TENM3: variants seen among roughly 807,000 people sequenced by gnomAD.
TENM3 encodes the protein teneurin transmembrane protein 3, also known as teneurin-3.
TENM3 carries 63 observed loss-of-function variants against 255.1 expected under a neutral mutation model. The ratio of observed to expected loss-of-function variants is 0.25; its 90% CI spans 0.20 to 0.30. The LOEUF (loss-of-function observed/expected upper bound fraction) is 0.30. Ranked by LOEUF, TENM3 falls within the 10% of genes least tolerant of loss-of-function variation. The pLI, the probability that TENM3 is intolerant of heterozygous loss-of-function variation, is 1.00. For synonymous variants in TENM3, 1,306 were observed against 1,322.3 expected, an observed-to-expected ratio of 0.99 and a Z score of 0.27; for missense variants, 2,929 against 3,461.1, an observed-to-expected ratio of 0.85 and a Z score of 3.86.
At chr4:181,968,216 C>A in the TENM3 span, among the ~76,000 whole-genome samples, 1 of 152,098 alleles carries the variant, frequency 6.6e-6, no homozygotes, top group African/African-American at 2.4e-5. Flanking sequence ...TTCAGGAGAC[C>A]TCTCCTGAAC....
At chr4:182,420,961 T>C (rs1254832863) in intron 3 of TENM3, among the ~76,000 whole-genome samples, 3 of 152,116 alleles carry the variant, frequency 2.0e-5, no homozygotes, top group Non-Finnish European at 4.4e-5. Flanking sequence ...TAAGAATTGA[T>C]ATCAGTGCAA....
At chr4:181,764,349 C>A in the TENM3 span, among the ~76,000 whole-genome samples, 2 of 152,194 alleles carry the variant, frequency 1.3e-5, no homozygotes, top group East Asian at 3.9e-4. Flanking sequence ...CCTGCTTCCA[C>A]TCCACTGCAT....
chr4:181,888,085 A>G, the TENM3 span, among the ~76,000 whole-genome samples: 2 of 152,040 alleles, frequency 1.3e-5, no homozygotes, highest in East Asian at 3.9e-4. Context: ...GCTGGAGTGC[A>G]GTGGAATAAT....
At chr4:181,655,395 T>C in the TENM3 span, among the ~76,000 whole-genome samples, 1 of 152,196 alleles carries the variant, frequency 6.6e-6, no homozygotes, top group Non-Finnish European at 1.5e-5. Context: ...GTTTTGGTCA[T>C]GCTGCATTTG....
chr4:181,573,063 A>G, the TENM3 span, among the ~76,000 whole-genome samples: 1 of 152,198 alleles, frequency 6.6e-6, no homozygotes, highest in Non-Finnish European at 1.5e-5. Context: ...GTTGTTGCAG[A>G]TGACAGGTTT....
the TENM3 span, among the ~76,000 whole-genome samples, chr4:181,754,229 A>C: frequency 1.3e-5 from 2 of 151,230 alleles, no homozygotes; most frequent in African/African-American, 2.4e-5. Context: ...ATAACAAAGA[A>C]ACAACTTATC....
At chr4:182,260,162 A>G (rs1758687803) in intron 1 of TENM3, among the ~76,000 whole-genome samples, 1 of 152,200 alleles carries the variant, frequency 6.6e-6, no homozygotes, top group African/African-American at 2.4e-5. Flanking sequence ...GGGCGATTTC[A>G]TATCTTGGCT....
intron 3 of TENM3, among the ~76,000 whole-genome samples, chr4:182,452,644 AATG>A (rs1304457811): frequency 2.6e-5 from 4 of 152,214 alleles, no homozygotes; most frequent in African/African-American, 9.6e-5. Flanking sequence ...TTAAGTTATG[AATG>A]ATAAGTGCTA....
intron 11 of TENM3, among the ~76,000 whole-genome samples, chr4:182,684,826 A>G (rs998998148): frequency 2.0e-5 from 3 of 152,226 alleles, no homozygotes; most frequent in South Asian, 2.1e-4. Flanking sequence ...TGTTTCCTCT[A>G]TTAGTACAAT....
At chr4:182,632,362 A>G (rs1225839170) in intron 5 of TENM3, among the ~76,000 whole-genome samples, 2 of 152,148 alleles carry the variant, frequency 1.3e-5, no homozygotes, top group East Asian at 3.8e-4. Context: ...CATGTTTTAA[A>G]TTTTGAAAAC....
At chr4:182,100,786 CAT>C in the TENM3 span, among the ~76,000 whole-genome samples, 27,493 of 33,022 alleles carry the variant, frequency 0.83, 11,974 homozygotes, top group East Asian at 0.91. Flanking sequence ...TATATATACA[CAT>C]ATATATACAC....
At chr4:182,445,729 G>A (rs1772862493) in intron 3 of TENM3, among the ~76,000 whole-genome samples, 1 of 152,066 alleles carries the variant, frequency 6.6e-6, no homozygotes, top group Non-Finnish European at 1.5e-5. Context: ...TCAGTTTTAA[G>A]TAAAATTCAT....
At chr4:182,626,257 A>G (rs1294241731) in intron 4 of TENM3, among the ~76,000 whole-genome samples, 1 of 152,216 alleles carries the variant, frequency 6.6e-6, no homozygotes, top group Non-Finnish European at 1.5e-5. Context: ...TGAAATCGCC[A>G]GTATCAAATT....
At chr4:181,925,158 G>A in the TENM3 span, among the ~76,000 whole-genome samples, 1 of 152,154 alleles carries the variant, frequency 6.6e-6, no homozygotes, top group Non-Finnish European at 1.5e-5. Flanking sequence ...TGGTTGATTG[G>A]TTGTCAGCAC....
At chr4:182,628,006 C>T (rs1750995439) in intron 4 of TENM3, among the ~76,000 whole-genome samples, 1 of 152,012 alleles carries the variant, frequency 6.6e-6, no homozygotes, top group Admixed American at 6.6e-5. Flanking sequence ...CTGTCCCTAC[C>T]CCCAGCAGGT....
the TENM3 span, among the ~76,000 whole-genome samples, chr4:181,725,396 C>T: frequency 1.5e-4 from 23 of 149,934 alleles, no homozygotes; most frequent in African/African-American, 5.6e-4. Context: ...AAATAAGGAT[C>T]TGACATTCAC....
chr4:182,646,817 C>T (rs1202541506), intron 5 of TENM3, among the ~76,000 whole-genome samples: 1 of 151,846 alleles, frequency 6.6e-6, no homozygotes. Flanking sequence ...GATTTTAGTA[C>T]AGTAATGAGG....
the TENM3 span, among the ~76,000 whole-genome samples, chr4:181,947,559 CTCT>C: frequency 6.6e-6 from 1 of 152,122 alleles, no homozygotes; most frequent in Non-Finnish European, 1.5e-5. Flanking sequence ...TGTTACCATT[CTCT>C]TCTTTATGTA....
chr4:181,974,601 CAAGCTG>C, the TENM3 span, among the ~76,000 whole-genome samples: 3 of 151,962 alleles, frequency 2.0e-5, no homozygotes, highest in Non-Finnish European at 4.4e-5. Context: ...CAATGTGGCA[CAAGCTG>C]AATGAGCAAG....
Sources: gnomAD v4.1 joint callset for allele counts (sites outside exome capture counted in the v4.1 genomes callset) on GRCh38, gnomAD v4.1.1 for gene constraint, MANE v1.5 for transcripts, NCBI Gene and HGNC (gene_info 2026-07-23, HGNC 2026-07-21) for gene names.